LSM14A: variants seen among roughly 807,000 people sequenced by gnomAD.
The protein encoded by LSM14A is protein LSM14 homolog A.
Under a neutral mutation model 52.4 loss-of-function variants are expected in LSM14A, and 14 were observed. That is an observed-to-expected ratio of 0.27 (90% CI 0.18 to 0.42). The LOEUF (loss-of-function observed/expected upper bound fraction) is 0.42, where lower values mean the gene tolerates loss of function less well. Among genes scored for constraint, LSM14A ranks in the 10% least tolerant of loss-of-function variants. The probability of loss-of-function intolerance (pLI) is 1.00; values close to 1 mark genes in which losing one functional copy is unlikely to be tolerated. For missense variants in LSM14A, 417 were observed against 581.8 expected, an observed-to-expected ratio of 0.72 and a Z score of 2.91; for synonymous variants, 185 against 200.3, an observed-to-expected ratio of 0.92 and a Z score of 0.64.
Position 34,172,542 on chromosome 19 carries a change from G to C in LSM14A, c.-101G>C, listed in dbSNP as rs2145419332. The stretch of plus-strand genomic sequence containing the variant: ...CCGCCGCCATGTTGGGTCTGAAGCG[G>C]CTGCTGTAGGCGCCGACGGAGCGAG... On this transcript the variant is annotated 5_prime_UTR_variant, in exon 1 of 10. Coordinates refer to ENST00000544216, the MANE Select transcript of LSM14A (RefSeq NM_015578.4). The C allele has an allele frequency of 7.4e-7, 1 of 1,347,058 alleles. No homozygotes were observed. The highest frequency in any genetic ancestry group is 3.1e-5 in the East Asian group (1 of 32,150). 83.4% of individuals were successfully genotyped at this position (1,347,058 alleles called of 1,614,324 possible).
chr19:34,195,687 T>C (rs988846284), intron 2 of LSM14A, among the ~76,000 whole-genome samples: 1 of 152,216 alleles, frequency 6.6e-6, no homozygotes, highest in African/African-American at 2.4e-5. Flanking sequence ...TGAATCTCTT[T>C]AAATGGAGAA....
At position 34,207,824 on chromosome 19, in the gene LSM14A, C is replaced by T. The variant is rs563979964; in HGVS notation, c.416-1105C>T. Among the ~76,000 whole-genome samples the T allele has an allele frequency of 7.2e-5, 11 of 152,208 alleles. No homozygotes were observed. The East Asian group carries it at 9.6e-4, about 13-fold the overall frequency. ...GATTACAGGTGTGAGCCACTGCGCC[C>T]GGCCCTAAAGCCACATTTTAAGAGG... On this transcript the variant is annotated intron_variant, in intron 3 of 9. Coordinates refer to ENST00000544216, the MANE Select transcript of LSM14A (RefSeq NM_015578.4).
In LSM14A at chr19:34,215,673, G is replaced by C. The variant is rs776038413; in HGVS notation, c.781+12G>C. Reference sequence around the variant, plus strand: ...CAAGAGACAAGTAGGTAAGTTCTTGGATCTAAAAGTCATATTCTATGCTTC... The same window carrying C: ...CAAGAGACAAGTAGGTAAGTTCTTGCATCTAAAAGTCATATTCTATGCTTC... On this transcript the variant is annotated intron_variant, in intron 6 of 9. Coordinates refer to ENST00000544216, the MANE Select transcript of LSM14A (RefSeq NM_015578.4). 1.3e-6 allele frequency: 2 copies of C among 1,576,016 alleles called. No homozygotes were observed. Among genetic ancestry groups the C allele is most frequent in the African/African-American group, 2.7e-5 (2 of 73,826 alleles).
rs755871446 is a variant in LSM14A, at chr19:34,172,735, C to G, written c.93C>G (p.Thr31=). ...AGGGCATCCTCTACACCATCGACAC[C>G]GAAAACTCCACCGTAGCCCTTGCCA... The part of the protein sequence containing the change: ...RYEGILYTID[T]ENSTVALAKV... The change falls in exon 1 of 10, where the codon ACC becomes ACG. Residue 31 remains threonine, a synonymous_variant. Coordinates refer to ENST00000544216, the MANE Select transcript of LSM14A (RefSeq NM_015578.4). 1.3e-6 allele frequency: 2 copies of G among 1,577,700 alleles called. No individual in the cohort carries two copies. Among genetic ancestry groups the G allele is most frequent in the African/African-American group, 2.8e-5 (2 of 71,388 alleles).
chr19:34,226,316 C>G (rs1345662018), intron 9 of LSM14A: 119 of 1,114,268 alleles, frequency 1.1e-4, no homozygotes, highest in Middle Eastern at 2.9e-4. Flanking sequence ...GCATAATGCT[C>G]TCTCTCCTCT....
At chr19:34,186,839 AT>A (rs2069944397) in intron 1 of LSM14A, among the ~76,000 whole-genome samples, 1 of 152,138 alleles carries the variant, frequency 6.6e-6, no homozygotes, top group Non-Finnish European at 1.5e-5. Context: ...TCTTTTGGAT[AT>A]TTCAGTGTTT....
intron 9 of LSM14A, among the ~76,000 whole-genome samples, chr19:34,222,507 G>C (rs2073120149): frequency 1.3e-5 from 2 of 152,192 alleles, no homozygotes; most frequent in South Asian, 4.1e-4. Context: ...AGAAGTAGTG[G>C]AGAGGAAGGG....
At chr19:34,211,836 A>G (rs1413816731) in intron 4 of LSM14A, among the ~76,000 whole-genome samples, 2 of 152,174 alleles carry the variant, frequency 1.3e-5, no homozygotes, top group African/African-American at 4.8e-5. Context: ...CTCATAGTTA[A>G]CAAATTTATT....
chr19:34,227,650 A>C lies in LSM14A; in HGVS notation c.*262A>C, dbSNP rs1286937314. 2.6e-6 allele frequency: 1 copy of C among 387,516 alleles called. No homozygotes were observed. The highest frequency in any genetic ancestry group is 4.1e-5 in the East Asian group (1 of 24,454). 24.0% of individuals were successfully genotyped at this position (387,516 alleles called of 1,614,324 possible). On this transcript the variant is annotated 3_prime_UTR_variant, in exon 10 of 10. Coordinates refer to ENST00000544216, the MANE Select transcript of LSM14A (RefSeq NM_015578.4). ...TAAGTAATTTCTTATGTATAGTTAA[A>C]CTAAAGCAGTACTTCAGTGGGACTT...
intron 3 of LSM14A, among the ~76,000 whole-genome samples, chr19:34,205,896 AC>A (rs1175423178): frequency 6.6e-6 from 1 of 152,104 alleles, no homozygotes; most frequent in Non-Finnish European, 1.5e-5. Context: ...CCCTAACAAA[AC>A]TGATTAAGGA....
At chr19:34,221,952 C>A in intron 9 of LSM14A, 2 of 668,016 alleles carry the variant, frequency 3.0e-6, no homozygotes, top group Non-Finnish European at 3.7e-6. Flanking sequence ...TTCATGTTAA[C>A]AGAATATACT....
At chr19:34,213,146 A>G (rs1458598634) in intron 4 of LSM14A, among the ~76,000 whole-genome samples, 7 of 147,312 alleles carry the variant, frequency 4.8e-5, no homozygotes, top group African/African-American at 1.4e-4. Flanking sequence ...ACAAGACCCT[A>G]TCCTGTCCCT....
intron 9 of LSM14A, chr19:34,226,364 C>T (rs1268514624): frequency 2.8e-6 from 4 of 1,445,312 alleles, no homozygotes; most frequent in Non-Finnish European, 3.7e-6. Context: ...CTCCTGTCCC[C>T]ATCTCTTTCT....
chr19:34,227,264 G>T, intron 9 of LSM14A, 101 bp from the exon 10 acceptor site: 2 of 754,318 alleles, frequency 2.7e-6, no homozygotes, highest in South Asian at 1.6e-5. Context: ...AAAAGTGGGG[G>T]AGTATATTTA....
intron 3 of LSM14A, among the ~76,000 whole-genome samples, chr19:34,200,870 G>A (rs2071238486): frequency 6.6e-6 from 1 of 151,984 alleles, no homozygotes; most frequent in African/African-American, 2.4e-5. Flanking sequence ...TCCTTTTTGA[G>A]GCTCCTTTGA....
In LSM14A at chr19:34,217,774, T is replaced by C. The variant is rs983056784; in HGVS notation, c.782-1617T>C. 4.5e-4 allele frequency among the ~76,000 whole-genome samples: 68 copies of C among 149,618 alleles called. 1 individual carries two copies. The highest frequency in any genetic ancestry group is 3.5e-3 in the Middle Eastern group (1 of 284). The stretch of plus-strand genomic sequence containing the variant: ...CCTCCTGAGTAGCTGGGACTACATA[T>C]GCCATGGAATACAGAATTTTGTTTA... On this transcript the variant is annotated intron_variant, in intron 6 of 9. Transcript: ENST00000544216.
chr19:34,194,671 C>T (rs758289117), intron 2 of LSM14A, 30 bp downstream of exon 2: 2 of 1,608,044 alleles, frequency 1.2e-6, no homozygotes, highest in Admixed American at 1.7e-5. Flanking sequence ...TCTTGGAGTA[C>T]AGGTAAACTC....
At chr19:34,190,805 C>A (rs965857599) in intron 1 of LSM14A, among the ~76,000 whole-genome samples, 2 of 151,946 alleles carry the variant, frequency 1.3e-5, no homozygotes, top group African/African-American at 4.8e-5. Flanking sequence ...CATTTCTTAT[C>A]TTTAGATAAC....
At chr19:34,197,550 T>G (rs866355385) in intron 3 of LSM14A, among the ~76,000 whole-genome samples, 15 of 145,748 alleles carry the variant, frequency 1.0e-4, no homozygotes, top group African/African-American at 3.5e-4. Context: ...GCAGTGCTCC[T>G]GCCTCAGCCT....
Sources: gnomAD v4.1 joint callset for allele counts (sites outside exome capture counted in the v4.1 genomes callset) on GRCh38, gnomAD v4.1.1 for gene constraint, MANE v1.5 for transcripts, NCBI Gene and HGNC (gene_info 2026-07-23, HGNC 2026-07-21) for gene names.